The following ZNF804A variants were observed in gnomAD, a reference collection of about 807,000 sequenced individuals.
ZNF804A encodes zinc finger protein 804A.
A neutral mutation model predicts 16.5 loss-of-function variants in ZNF804A; 2 were observed. The ratio of observed to expected loss-of-function variants is 0.12; its 90% CI spans 0.05 to 0.38. The LOEUF is 0.38. Among genes scored for constraint, ZNF804A ranks in the 10% least tolerant of loss-of-function variants. ZNF804A has a pLI of 0.99. For missense variants in ZNF804A, 1,473 were observed against 1,390.7 expected (o/e 1.06, Z -0.94); for synonymous variants, 534 against 489.6 (o/e 1.09, Z -1.20).
At chr2:184,887,565 T>A (rs995179314) in intron 2 of ZNF804A, among the ~76,000 whole-genome samples, 9 of 152,214 alleles carry the variant, frequency 5.9e-5, no homozygotes, top group African/African-American at 2.2e-4. Flanking sequence ...GGACTTACAG[T>A]TCCAAATAGC....
At chr2:184,781,485 T>C (rs1464939524) in intron 1 of ZNF804A, among the ~76,000 whole-genome samples, 2 of 151,802 alleles carry the variant, frequency 1.3e-5, no homozygotes, top group Non-Finnish European at 2.9e-5. Flanking sequence ...CAAACAATCA[T>C]TTCTTGATAA....
intron 1 of ZNF804A, among the ~76,000 whole-genome samples, chr2:184,857,315 T>A (rs1201594183): frequency 6.6e-6 from 1 of 152,170 alleles, no homozygotes; most frequent in African/African-American, 2.4e-5. Flanking sequence ...GATTCCTTGT[T>A]TTATACCATT....
chr2:184,810,822 T>G (rs1694887467), intron 1 of ZNF804A, among the ~76,000 whole-genome samples: 1 of 152,084 alleles, frequency 6.6e-6, no homozygotes, highest in African/African-American at 2.4e-5. Context: ...ATTGATCAAA[T>G]ACACTAAAAA....
At chr2:184,887,017 T>C (rs973973953) in intron 2 of ZNF804A, among the ~76,000 whole-genome samples, 6 of 152,226 alleles carry the variant, frequency 3.9e-5, no homozygotes, top group African/African-American at 1.4e-4. Flanking sequence ...TCCTATCATA[T>C]AGTCAGGCTG....
intron 2 of ZNF804A, among the ~76,000 whole-genome samples, chr2:184,925,355 T>C (rs1221973951): frequency 6.6e-6 from 1 of 152,038 alleles, no homozygotes; most frequent in Non-Finnish European, 1.5e-5. Flanking sequence ...TAGCTACTCC[T>C]ATCCTTTCTT....
chr2:184,909,842 T>A (rs1685329553), intron 2 of ZNF804A, among the ~76,000 whole-genome samples: 1 of 151,982 alleles, frequency 6.6e-6, no homozygotes, highest in South Asian at 2.1e-4. Flanking sequence ...ATGCCAAGAG[T>A]TTATGTGATC....
At chr2:184,872,848 C>T (rs1449270528) in intron 2 of ZNF804A, among the ~76,000 whole-genome samples, 10 of 152,146 alleles carry the variant, frequency 6.6e-5, no homozygotes, top group Admixed American at 4.6e-4. Flanking sequence ...AAGACTATTA[C>T]ATACAGTTCT....
At chr2:184,689,710 T>C (rs1692699255) in intron 1 of ZNF804A, among the ~76,000 whole-genome samples, 1 of 152,034 alleles carries the variant, frequency 6.6e-6, no homozygotes, top group Non-Finnish European at 1.5e-5. Context: ...TAGCTCTTTA[T>C]TTATCCTGTT....
rs114667672 is a variant in ZNF804A at position 184,815,145 on chromosome 2, A to G, written c.112-51224A>G. On this transcript the variant is annotated intron_variant, in intron 1 of 3. Transcript: ENST00000302277. Reference sequence around the variant, plus strand: ...AATTACTACAATTTGAAAGTCAGTGAGTGATACAGTGAAGTTAGTGTAAGA... The same window carrying G: ...AATTACTACAATTTGAAAGTCAGTGGGTGATACAGTGAAGTTAGTGTAAGA... 6.2e-3 allele frequency among the ~76,000 whole-genome samples: 948 copies of G among 152,124 alleles called. 14 individuals are homozygous for G. Among genetic ancestry groups the G allele is most frequent in the African/African-American group, 0.022 (906 of 41,542 alleles).
At chr2:184,830,460 T>C (rs533625111) in intron 1 of ZNF804A, among the ~76,000 whole-genome samples, 13 of 152,296 alleles carry the variant, frequency 8.5e-5, no homozygotes, top group Admixed American at 5.2e-4. Context: ...GGGGATTTTT[T>C]GAAACAGTAA....
rs182001365 is a variant in ZNF804A, at chr2:184,843,623, T to A, written c.112-22746T>A. On this transcript the variant is annotated intron_variant, in intron 1 of 3. Transcript: ENST00000302277. ...TGTTGGGTAAGTTACATAACTCCCT[T>A]GTGCATGGATCCTAAAACACTGAAA... 3.3e-5 allele frequency among the ~76,000 whole-genome samples: 5 copies of A among 152,292 alleles called. No individual in the cohort carries two copies. In the East Asian group the frequency reaches 9.7e-4, roughly 29 times the overall value.
At chr2:184,884,063 G>T (rs1234250864) in intron 2 of ZNF804A, among the ~76,000 whole-genome samples, 1 of 152,054 alleles carries the variant, frequency 6.6e-6, no homozygotes, top group Non-Finnish European at 1.5e-5. Flanking sequence ...AAACTCCATA[G>T]TCTCTGCCCC....
chr2:184,720,227 C>T (rs1574179086), intron 1 of ZNF804A, among the ~76,000 whole-genome samples: 1 of 152,132 alleles, frequency 6.6e-6, no homozygotes, highest in Non-Finnish European at 1.5e-5. Flanking sequence ...CCCACAGGGT[C>T]CCTCCCATAA....
At chr2:184,853,765 T>C (rs1381132969) in intron 1 of ZNF804A, among the ~76,000 whole-genome samples, 1 of 151,834 alleles carries the variant, frequency 6.6e-6, no homozygotes, top group Non-Finnish European at 1.5e-5. Context: ...TGGTAAATAA[T>C]GATTTTAATG....
At chr2:184,618,589 G>A (rs928361093) in intron 1 of ZNF804A, among the ~76,000 whole-genome samples, 1 of 152,008 alleles carries the variant, frequency 6.6e-6, no homozygotes, top group Admixed American at 6.6e-5. Context: ...TTTTGGTATC[G>A]CTGGGATTCC....
At chr2:184,774,607 G>T (rs1046255723) in intron 1 of ZNF804A, among the ~76,000 whole-genome samples, 1 of 151,738 alleles carries the variant, frequency 6.6e-6, no homozygotes, top group Non-Finnish European at 1.5e-5. Flanking sequence ...ATCTGTGGCA[G>T]AATTGATTCT....
intron 1 of ZNF804A, among the ~76,000 whole-genome samples, chr2:184,710,590 G>A (rs1019073652): frequency 2.0e-5 from 3 of 151,712 alleles, no homozygotes; most frequent in Non-Finnish European, 4.4e-5. Flanking sequence ...TCTAAGCACA[G>A]TGTTGCATAA....
intron 1 of ZNF804A, among the ~76,000 whole-genome samples, chr2:184,709,902 C>G (rs1483324356): frequency 2.0e-5 from 3 of 149,086 alleles, no homozygotes; most frequent in African/African-American, 7.3e-5. Flanking sequence ...ACAAAAATCA[C>G]ATAAAAGCAT....
At position 184,805,049 on chromosome 2, in the gene ZNF804A, G is replaced by A. The variant is rs183400529; in HGVS notation, c.112-61320G>A. On this transcript the variant is annotated intron_variant, in intron 1 of 3. Coordinates refer to ENST00000302277, the MANE Select transcript of ZNF804A (RefSeq NM_194250.2). ...TTCCCACATAAGGTTGATGCTTCTG[G>A]TCCAGGGACCACACTGAGAGGACAT... 4.2e-3 allele frequency among the ~76,000 whole-genome samples: 637 copies of A among 152,168 alleles called. 5 individuals carry two copies. Among genetic ancestry groups the A allele is most frequent in the African/African-American group, 0.015 (605 of 41,530 alleles).
Sources: gnomAD v4.1 joint callset for allele counts (sites outside exome capture counted in the v4.1 genomes callset) on GRCh38, gnomAD v4.1.1 for gene constraint, MANE v1.5 for transcripts, NCBI Gene and HGNC (gene_info 2026-07-23, HGNC 2026-07-21) for gene names.